RASGEF1A: variants seen among roughly 807,000 people sequenced by gnomAD.
The protein encoded by RASGEF1A is ras-GEF domain-containing family member 1A.
In RASGEF1A, 18 loss-of-function variants were observed where a neutral mutation model predicts 56.4. The ratio of observed to expected loss-of-function variants is 0.32; its 90% CI spans 0.22 to 0.47. RASGEF1A has a LOEUF of 0.47. RASGEF1A is among the 20% of genes least tolerant of loss of function. The pLI is 1.00. For synonymous variants in RASGEF1A, 245 were observed against 242.6 expected (o/e 1.01, Z -0.09); for missense variants, 422 against 627.1 (o/e 0.67, Z 3.49).
rs559817905 is a variant in RASGEF1A, at chr10:43,248,184, C to T, written c.-7+18661G>A. Reference sequence around the variant, plus strand: ...CAGCCTGACAAACATGGTGAAACCCCGTCTCTACTAAAAATACAAAAATTA... The same window carrying T: ...CAGCCTGACAAACATGGTGAAACCCTGTCTCTACTAAAAATACAAAAATTA... On this transcript the variant is annotated intron_variant, in intron 1 of 12. Transcript: ENST00000395810. Among the ~76,000 whole-genome samples, 4 of 151,574 alleles carry T rather than the reference C, an allele frequency of 2.6e-5. No individual in the cohort carries two copies. In the East Asian group the frequency reaches 7.8e-4, roughly 29 times the overall value.
At chr10:43,260,026 C>T (rs1209316418) in intron 1 of RASGEF1A, among the ~76,000 whole-genome samples, 4 of 152,190 alleles carry the variant, frequency 2.6e-5, no homozygotes. Context: ...CAACCTCTGC[C>T]TCTGCCCCTC....
At chr10:43,229,914 G>A (rs1840339788) in intron 1 of RASGEF1A, among the ~76,000 whole-genome samples, 1 of 151,950 alleles carries the variant, frequency 6.6e-6, no homozygotes, top group South Asian at 2.1e-4. Context: ...CGGAGGTGGG[G>A]CAGGGACCCG....
intron 1 of RASGEF1A, among the ~76,000 whole-genome samples, chr10:43,256,965 C>A (rs1012149893): frequency 6.6e-6 from 1 of 152,190 alleles, no homozygotes; most frequent in African/African-American, 2.4e-5. Context: ...CCTCTCCCTC[C>A]TTCCAGAATC....
chr10:43,241,189 T>G (rs1218784538), intron 1 of RASGEF1A, among the ~76,000 whole-genome samples: 3 of 152,188 alleles, frequency 2.0e-5, no homozygotes, highest in African/African-American at 7.2e-5. Flanking sequence ...TATATATTAG[T>G]AAATATAAAA....
At chr10:43,202,150 A>C (rs1313014143) in intron 3 of RASGEF1A, among the ~76,000 whole-genome samples, 1 of 152,112 alleles carries the variant, frequency 6.6e-6, no homozygotes, top group Non-Finnish European at 1.5e-5. Flanking sequence ...CCTTAAGTTG[A>C]CTTTCTTTTT....
At chr10:43,257,740 C>T (rs1836448203) in intron 1 of RASGEF1A, among the ~76,000 whole-genome samples, 1 of 152,226 alleles carries the variant, frequency 6.6e-6, no homozygotes, top group African/African-American at 2.4e-5. Flanking sequence ...CTGCATTATG[C>T]TGCACTGACC....
At chr10:43,230,434 T>A (rs1588943406) in intron 1 of RASGEF1A, among the ~76,000 whole-genome samples, 1 of 152,040 alleles carries the variant, frequency 6.6e-6, no homozygotes, top group Non-Finnish European at 1.5e-5. Context: ...GGGCTACCCC[T>A]CTGCGCATTC....
At chr10:43,237,427 T>A (rs1283664264) in intron 1 of RASGEF1A, among the ~76,000 whole-genome samples, 1 of 117,808 alleles carries the variant, frequency 8.5e-6, no homozygotes, top group Admixed American at 8.8e-5. Flanking sequence ...TGCCCCTAAC[T>A]CCCACTCTCC....
chr10:43,201,938 A>G lies in RASGEF1A; in HGVS notation c.329T>C (p.Leu110Pro), dbSNP rs776036615. ...QLEAGPEKAK[L>P]KSFSAKIVQL... ...CACGATCTTGGCTGAGAAAGACTTC[A>G]GCTTGGCCTGGGGCAGCAGGGGATA... The change falls in exon 4 of 13, where the codon CTG becomes CCG. Residue 110 changes from leucine to proline, a missense_variant. Coordinates refer to ENST00000395810, the MANE Select transcript of RASGEF1A (RefSeq NM_145313.4). The G allele has an allele frequency of 1.9e-6, 3 of 1,607,292 alleles. No individual in the cohort carries two copies. The highest frequency in any genetic ancestry group is 1.1e-5 in the South Asian group (1 of 90,360).
chr10:43,200,678 GAGTC>G lies in RASGEF1A; in HGVS notation c.666_669del (p.His224LeufsTer14). 6.2e-7 allele frequency: 1 copy of G among 1,612,268 alleles called. No individual in the cohort carries two copies. Among genetic ancestry groups the G allele is most frequent in the Non-Finnish European group, 8.5e-7 (1 of 1,179,914 alleles). ...AAGGCAGCACTGACCAGCTCAATGTGAGTCAGCTGCTGGGCCAGCACCAGGGGGT... is the reference window on the plus strand; with the variant it reads ...AAGGCAGCACTGACCAGCTCAATGTGAGCTGCTGGGCCAGCACCAGGGGGT... On this transcript the variant is annotated frameshift_variant, in exon 5 of 13. Transcript: ENST00000395810. LOFTEE classifies it high-confidence loss of function.
At chr10:43,236,572 T>C (rs1840434154) in intron 1 of RASGEF1A, among the ~76,000 whole-genome samples, 1 of 152,242 alleles carries the variant, frequency 6.6e-6, no homozygotes, top group African/African-American at 2.4e-5. Flanking sequence ...ACACCTTCTC[T>C]CCGTCTCTCG....
Position 43,200,183 on chromosome 10 carries a change from C to T in RASGEF1A, c.755G>A (p.Arg252Lys). 1 of 1,597,400 alleles carries T rather than the reference C, an allele frequency of 6.3e-7. No homozygotes were observed. Among genetic ancestry groups the T allele is most frequent in the Non-Finnish European group, 8.5e-7 (1 of 1,170,832 alleles). The part of the protein sequence containing the change: ...VSHMDSLDNH[R>K]CRGDLTKTYS... ...TGCCACAGGCCTTGGCCCACTTACCCTGTGGTTGTCCAAGGAGTCCATGTG... is the reference window on the plus strand; with the variant it reads ...TGCCACAGGCCTTGGCCCACTTACCTTGTGGTTGTCCAAGGAGTCCATGTG... The change falls in exon 6 of 13, where the codon AGG becomes AAG. Residue 252 changes from arginine to lysine, a missense_variant and splice_region_variant. Transcript: ENST00000395810.
In RASGEF1A at chr10:43,194,791, T is replaced by C. The variant is rs1021012867; in HGVS notation, c.*1453A>G. On this transcript the variant is annotated 3_prime_UTR_variant, in exon 13 of 13. Transcript: ENST00000395810. ...TGTATTCCAAATATATATTCTCAAG[T>C]TTTAAGCCTTTCTCATCTCAAAGAC... 1.3e-5 allele frequency: 2 copies of C among 152,626 alleles called. No homozygotes were observed. The highest frequency in any genetic ancestry group is 4.8e-5 in the African/African-American group (2 of 41,464). The allele number at this position is 152,626 out of a possible 1,614,324, so 9.5% of individuals were successfully genotyped here. A position where few individuals can be genotyped will look rare whatever the true frequency, so the allele number is the denominator to read the frequency against.
intron 1 of RASGEF1A, among the ~76,000 whole-genome samples, chr10:43,264,613 C>G (rs1037478892): frequency 5.4e-5 from 8 of 149,044 alleles, no homozygotes; most frequent in Admixed American, 2.0e-4. Flanking sequence ...GCCAGAGTGC[C>G]GGACCCAAGC....
chr10:43,200,002 G>A (rs1190476234), intron 6 of RASGEF1A, among the ~76,000 whole-genome samples, 180 bp downstream of exon 6: 2 of 152,236 alleles, frequency 1.3e-5, no homozygotes, highest in East Asian at 1.9e-4. Context: ...CCATCTTGGA[G>A]CAGGTGCTGC....
chr10:43,254,284 T>C (rs71505669), intron 1 of RASGEF1A, among the ~76,000 whole-genome samples: 10,912 of 152,314 alleles, frequency 0.072, 535 homozygotes, highest in Admixed American at 0.13. Context: ...TGTGGGGCCA[T>C]GGAGGGCTGC....
At chr10:43,246,201 T>G (rs541435098) in intron 1 of RASGEF1A, among the ~76,000 whole-genome samples, 1 of 152,280 alleles carries the variant, frequency 6.6e-6, no homozygotes, top group African/African-American at 2.4e-5. Context: ...AATTATAAAT[T>G]TAACAAAAGT....
chr10:43,199,147 ATCAATGAAGAAC>A lies in RASGEF1A; in HGVS notation c.885_896del (p.Glu295_Ile298del). On this transcript the variant is annotated inframe_deletion, in exon 8 of 13. Coordinates refer to ENST00000395810, the MANE Select transcript of RASGEF1A (RefSeq NM_145313.4). ...CGATGTTGAAGCACTCCCGGGCCAC[ATCAATGAAGAAC>A]TCCAACATGCGGGTCCGGTGTTTCT... The A allele has an allele frequency of 6.2e-7, 1 of 1,613,856 alleles. No individual in the cohort carries two copies.
At chr10:43,264,111 G>A (rs976405618) in intron 1 of RASGEF1A, among the ~76,000 whole-genome samples, 44 of 151,988 alleles carry the variant, frequency 2.9e-4, no homozygotes, top group African/African-American at 7.2e-4. Flanking sequence ...CACAGTGCCC[G>A]CCAAGCCACT....
Sources: gnomAD v4.1 joint callset for allele counts (sites outside exome capture counted in the v4.1 genomes callset) on GRCh38, gnomAD v4.1.1 for gene constraint, MANE v1.5 for transcripts, NCBI Gene and HGNC (gene_info 2026-07-23, HGNC 2026-07-21) for gene names.